FRMD8: variants seen among roughly 807,000 people sequenced by gnomAD.
The protein encoded by FRMD8 is FERM domain-containing protein 8.
FRMD8 carries 37 observed loss-of-function variants against 54.2 expected under a neutral mutation model. The observed-to-expected ratio is 0.68, with a 90% CI of 0.53 to 0.90. The LOEUF (loss-of-function observed/expected upper bound fraction) is 0.90, where lower values mean the gene tolerates loss of function less well. Among genes scored for constraint, FRMD8 ranks in the 40% least tolerant of loss-of-function variants. FRMD8 has a pLI of 0.00. For synonymous variants in FRMD8, 246 were observed against 286.9 expected, an observed-to-expected ratio of 0.86 and a Z score of 1.44; for missense variants, 585 against 653.7, an observed-to-expected ratio of 0.89 and a Z score of 1.15.
chr11:65,371,896 G>A, the FRMD8 span, among the ~76,000 whole-genome samples: 1 of 152,056 alleles, frequency 6.6e-6, no homozygotes, highest in African/African-American at 2.4e-5. Flanking sequence ...TTACAGGCAT[G>A]AGCCACGAAG....
At chr11:65,382,951 C>T (rs1855645870), upstream of FRMD8, 3 of 152,386 alleles carry the variant, frequency 2.0e-5, no homozygotes, top group Admixed American at 1.3e-4. The surrounding 1 kb of genome is among the most constrained non-coding windows in gnomAD (Gnocchi z 4.4). Context: ...ATCACGCCAA[C>T]ATACGATGGG....
rs138687453 is a variant in FRMD8 at position 65,394,376 on chromosome 11, G to C, written c.532G>C (p.Val178Leu). ...GGCTCTGGGCGCCCTGGTGTGCCGC[G>C]TGCAGCTTGGGCCCTACCAGCCCGG... ...CEALGALVCRVQLGPYQPGRP... is the reference protein window; with the variant it reads ...CEALGALVCRLQLGPYQPGRP... The change falls in exon 6 of 11, where the codon GTG becomes CTG. Residue 178 changes from valine (V) to leucine (L), a missense_variant. Val to Leu is a conservative substitution (Grantham distance 32, BLOSUM62 1). Transcript: ENST00000317568. 6.3e-7 allele frequency: 1 copy of C among 1,575,406 alleles called. No individual in the cohort carries two copies. Among genetic ancestry groups the C allele is most frequent in the Non-Finnish European group, 8.6e-7 (1 of 1,161,786 alleles).
At chr11:65,370,040 T>A in the FRMD8 span, among the ~76,000 whole-genome samples, 45 of 150,160 alleles carry the variant, frequency 3.0e-4, no homozygotes, top group Admixed American at 4.6e-4. Flanking sequence ...TCCAAAAAAA[T>A]AAATAAATAA....
chr11:65,394,531 G>A (rs1442083797), intron 6 of FRMD8, 106 bp downstream of exon 6: 2 of 1,348,294 alleles, frequency 1.5e-6, no homozygotes, highest in Non-Finnish European at 1.0e-6. Context: ...GCAGGGTCCT[G>A]GAGTCAGGAG....
chr11:65,407,545 C>G (rs949041872), intron 10 of FRMD8, among the ~76,000 whole-genome samples: 1 of 148,370 alleles, frequency 6.7e-6, no homozygotes, highest in Non-Finnish European at 1.5e-5. Flanking sequence ...GCCACCGCAC[C>G]CGGCCAGAGA....
In FRMD8 at chr11:65,399,860, G is replaced by GTACTGCCCC. The variant is rs759663782; in HGVS notation, c.927+2_927+10dup. The GTACTGCCCC allele has an allele frequency of 3.1e-5, 50 of 1,611,894 alleles. 2 individuals are homozygous for GTACTGCCCC. The South Asian group carries it at 4.8e-4, about 16-fold the overall frequency. On this transcript the variant is annotated splice_donor_variant, in intron 8 of 10. Coordinates refer to ENST00000317568, the MANE Select transcript of FRMD8 (RefSeq NM_031904.5). LOFTEE classifies it high-confidence loss of function. ...GCACGTCATCGATAGCAGAGAGAAGGTACTGCCCCCAGCTCCTCCAGGGTG... is the reference window on the plus strand; with the variant it reads ...GCACGTCATCGATAGCAGAGAGAAGGTACTGCCCCTACTGCCCCCAGCTCCTCCAGGGTG...
In FRMD8 at chr11:65,404,600, G is replaced by C. The variant is rs953281021; in HGVS notation, c.1072-264G>C. On this transcript the variant is annotated intron_variant, in intron 9 of 10. Transcript: ENST00000317568. This position sits in a 1 kb window ranked among gnomAD's most constrained non-coding sequence, Gnocchi z 4.7. ...CCACCTGCTTCTGCCCATGGAGTCA[G>C]CCTTCCTGGGCTGTGCCTTCTGACC... Among the ~76,000 whole-genome samples, 15 of 150,118 alleles carry C rather than the reference G, an allele frequency of 1.0e-4. No homozygotes were observed. Among genetic ancestry groups the C allele is most frequent in the African/African-American group, 3.4e-4 (14 of 40,616 alleles).
In FRMD8 at chr11:65,401,058, C is replaced by A. The variant is rs372425983; in HGVS notation, c.1071+191C>A. The stretch of plus-strand genomic sequence containing the variant: ...AGAGCTGCCCTGGGAGGTCAGGAGG[C>A]CTGGTCTGCAGACTCCACGCCGGTG... On this transcript the variant is annotated intron_variant, in intron 9 of 10. Coordinates refer to ENST00000317568, the MANE Select transcript of FRMD8 (RefSeq NM_031904.5). 2.2e-4 allele frequency among the ~76,000 whole-genome samples: 33 copies of A among 152,204 alleles called. 1 individual carries two copies. In the East Asian group the frequency reaches 4.6e-3, roughly 21 times the overall value.
In FRMD8 at chr11:65,389,513, G is replaced by T; in HGVS notation, c.238G>T (p.Val80Phe). The change falls in exon 3 of 11, where the codon GTC becomes TTC. Residue 80 changes from valine (V) to phenylalanine (F), a missense_variant. Val to Phe is a conservative substitution (Grantham distance 50, BLOSUM62 -1). Transcript: ENST00000317568. ...IALDVFALWL[V>F]SPLLEVQLKP... Reference sequence around the variant, plus strand: ...CCTGGATGTCTTCGCGCTCTGGCTGGTCTCCCCTCTGCTGGGTAAGGCTTG... The same window carrying T: ...CCTGGATGTCTTCGCGCTCTGGCTGTTCTCCCCTCTGCTGGGTAAGGCTTG... The T allele has an allele frequency of 1.9e-6, 3 of 1,592,592 alleles. No homozygotes were observed. Among genetic ancestry groups the T allele is most frequent in the African/African-American group, 1.3e-5 (1 of 74,722 alleles).
chr11:65,374,233 G>A, the FRMD8 span, among the ~76,000 whole-genome samples: 130 of 144,966 alleles, frequency 9.0e-4, 2 homozygotes, highest in Admixed American at 2.9e-3. Flanking sequence ...AGCACGTGAC[G>A]TAGTATGGTC....
At chr11:65,382,037 C>A (rs1031850894), upstream of FRMD8, 190 of 1,149,960 alleles carry the variant, frequency 1.7e-4, no homozygotes, top group Middle Eastern at 6.2e-4. This position sits in a 1 kb window ranked among gnomAD's most constrained non-coding sequence, Gnocchi z 4.4. Context: ...ACGCTGATAA[C>A]CTCCCACTAA....
chr11:65,387,245 C>A, intron 2 of FRMD8, 124 bp downstream of exon 2: 1 of 872,660 alleles, frequency 1.1e-6, no homozygotes, highest in Non-Finnish European at 1.9e-6. Flanking sequence ...TAATAAGGTA[C>A]ATTCAGATGT....
upstream of FRMD8, chr11:65,382,024 C>T (rs1043866083): frequency 1.5e-6 from 2 of 1,303,980 alleles, no homozygotes; most frequent in Non-Finnish European, 2.2e-6. This position sits in a 1 kb window ranked among gnomAD's most constrained non-coding sequence, Gnocchi z 4.4. Context: ...CCTCCCCTGG[C>T]CCACGCTGAT....
the FRMD8 span, chr11:65,379,784 C>T: frequency 6.5e-7 from 1 of 1,548,164 alleles, no homozygotes; most frequent in African/African-American, 1.4e-5. Context: ...AGGAGCAGAA[C>T]CCTGCTGGAG....
rs1394893332 is a variant in FRMD8, at chr11:65,413,460, T to C, written c.*2100T>C. On this transcript the variant is annotated 3_prime_UTR_variant, in exon 11 of 11. Coordinates refer to ENST00000317568, the MANE Select transcript of FRMD8 (RefSeq NM_031904.5). ...TGTCCTTTGGGACAAAGCAGTATTT[T>C]ACTCATTCTTTGAATGTTCTCATTC... 6.6e-6 allele frequency: 1 copy of C among 152,244 alleles called. No individual in the cohort carries two copies. The highest frequency in any genetic ancestry group is 2.4e-5 in the African/African-American group (1 of 41,474). 9.4% of individuals were successfully genotyped at this position (152,244 alleles called of 1,614,324 possible).
chr11:65,393,963 C>T, intron 4 of FRMD8, 78 bp from the exon 5 acceptor site: 2 of 1,504,046 alleles, frequency 1.3e-6, no homozygotes, highest in Non-Finnish European at 1.8e-6. Context: ...GGTTGGTGGC[C>T]AGGGCCTGGG....
At chr11:65,406,138 C>T (rs1050807236) in intron 10 of FRMD8, among the ~76,000 whole-genome samples, 1 of 151,578 alleles carries the variant, frequency 6.6e-6, no homozygotes, top group Non-Finnish European at 1.5e-5. Flanking sequence ...AGTGATTCTC[C>T]TGCCTCAACC....
intron 2 of FRMD8, 106 bp from the exon 3 acceptor site, chr11:65,389,255 T>G: frequency 3.7e-6 from 4 of 1,073,604 alleles, no homozygotes; most frequent in Non-Finnish European, 5.6e-6. Context: ...CTGAGGGGTG[T>G]AGGGTGGGGG....
chr11:65,408,855 C>G (rs1856266832), intron 10 of FRMD8, among the ~76,000 whole-genome samples: 1 of 151,678 alleles, frequency 6.6e-6, no homozygotes, highest in South Asian at 2.1e-4. Flanking sequence ...AAATGATCCT[C>G]CCACCTCAGC....
Sources: gnomAD v4.1 joint callset for allele counts (sites outside exome capture counted in the v4.1 genomes callset) on GRCh38, gnomAD v4.1.1 for gene constraint, Gnocchi (gnomAD v3.1) non-coding constraint, MANE v1.5 for transcripts, NCBI Gene and HGNC (gene_info 2026-07-23, HGNC 2026-07-21) for gene names.